Variants in NRG3 observed in about 807,000 individuals in gnomAD.
NRG3 encodes the protein pro-neuregulin-3, membrane-bound isoform.
Under a neutral mutation model 66.9 loss-of-function variants are expected in NRG3, and 31 were observed. The ratio of observed to expected loss-of-function variants is 0.46; its 90% CI spans 0.35 to 0.63. The LOEUF is 0.63. Among genes scored for constraint, NRG3 ranks in the 20% least tolerant of loss-of-function variants. NRG3 has a pLI of 0.00. For synonymous variants in NRG3, 393 were observed against 359.4 expected (o/e 1.09, Z -1.06); for missense variants, 910 against 878.9 (o/e 1.04, Z -0.45).
intron 2 of NRG3, among the ~76,000 whole-genome samples, chr10:82,717,812 C>T (rs1246159140): frequency 6.6e-6 from 1 of 151,848 alleles, no homozygotes; most frequent in Non-Finnish European, 1.5e-5. Context: ...CTCCCAGTGG[C>T]AGAGACCATT....
rs952070479 is a variant in NRG3 at position 82,224,373 on chromosome 10, A to G, written c.824-134366A>G. ...CAGGTACAGCATCTAGAACATAAAA[A>G]GTAAATACATATCATTTTATGAATA... On this transcript the variant is annotated intron_variant, in intron 1 of 8. Coordinates refer to ENST00000372141, the MANE Select transcript of NRG3 (RefSeq NM_001010848.4). The G allele has an allele frequency of 5.3e-5, 8 of 152,214 alleles. No individual in the cohort carries two copies. In the East Asian group the frequency reaches 1.3e-3, roughly 26 times the overall value. 9.4% of individuals were successfully genotyped at this position (152,214 alleles called of 1,614,324 possible). A position where few individuals can be genotyped will look rare whatever the true frequency, so the allele number is the denominator to read the frequency against.
intron 2 of NRG3, among the ~76,000 whole-genome samples, chr10:82,419,645 G>C (rs761035953): frequency 3.3e-5 from 5 of 151,960 alleles, no homozygotes; most frequent in Non-Finnish European, 7.4e-5. Flanking sequence ...AGCCTTTTGT[G>C]GAAATAATGT....
chr10:81,910,586 A>C (rs1246670333), intron 1 of NRG3, among the ~76,000 whole-genome samples: 1 of 152,202 alleles, frequency 6.6e-6, no homozygotes, highest in Non-Finnish European at 1.5e-5. Flanking sequence ...TTGTCAAGGA[A>C]GCCTTCTTCA....
intron 1 of NRG3, among the ~76,000 whole-genome samples, chr10:81,930,703 T>C (rs888759648): frequency 3.9e-5 from 6 of 152,076 alleles, no homozygotes; most frequent in African/African-American, 1.4e-4. Flanking sequence ...GTGGGTTTTA[T>C]GGAGTTGTGG....
chr10:82,255,795 G>A (rs1269406319), intron 1 of NRG3, among the ~76,000 whole-genome samples: 1 of 151,892 alleles, frequency 6.6e-6, no homozygotes, highest in African/African-American at 2.4e-5. Flanking sequence ...GTAGAGATGG[G>A]GTTTTACCAT....
chr10:82,638,947 A>G (rs1332859665), intron 2 of NRG3, among the ~76,000 whole-genome samples: 1 of 152,066 alleles, frequency 6.6e-6, no homozygotes, highest in Non-Finnish European at 1.5e-5. Context: ...GCCCGGCCAC[A>G]TATTTTTTTT....
At chr10:82,670,455 C>G (rs2053179096) in intron 2 of NRG3, among the ~76,000 whole-genome samples, 1 of 152,066 alleles carries the variant, frequency 6.6e-6, no homozygotes, top group Admixed American at 6.6e-5. Flanking sequence ...TTATTCAGTC[C>G]TATATCATTT....
chr10:81,919,294 G>T (rs1434467851), intron 1 of NRG3, among the ~76,000 whole-genome samples: 1 of 152,146 alleles, frequency 6.6e-6, no homozygotes, highest in African/African-American at 2.4e-5. Context: ...GTGTGGCAGC[G>T]CTGAAAATCA....
At chr10:82,166,923 C>G in intron 1 of NRG3, 1 of 490,402 alleles carries the variant, frequency 2.0e-6, no homozygotes, top group East Asian at 3.3e-5. Context: ...TAAAGATGTG[C>G]TTGACTGTCT....
At chr10:82,062,897 T>A (rs2064239117) in intron 1 of NRG3, among the ~76,000 whole-genome samples, 1 of 152,292 alleles carries the variant, frequency 6.6e-6, no homozygotes, top group Middle Eastern at 3.4e-3. Context: ...GAATCTGTGC[T>A]TCTGGAGTGG....
chr10:82,743,085 G>T (rs504975), intron 3 of NRG3, among the ~76,000 whole-genome samples: 117,896 of 151,700 alleles, frequency 0.78, 45,961 homozygotes, highest in Non-Finnish European at 0.79. Flanking sequence ...CACAGCTGGA[G>T]ACAGCCGTTT....
chr10:81,948,515 C>A (rs975459226), intron 1 of NRG3, among the ~76,000 whole-genome samples: 2 of 152,192 alleles, frequency 1.3e-5, no homozygotes, highest in Non-Finnish European at 2.9e-5. Flanking sequence ...CAATGTGGAA[C>A]TCTTGTCTGC....
At chr10:82,788,232 T>C (rs947592631) in intron 3 of NRG3, among the ~76,000 whole-genome samples, 1 of 152,184 alleles carries the variant, frequency 6.6e-6, no homozygotes, top group Non-Finnish European at 1.5e-5. Flanking sequence ...TATTTATGCC[T>C]TATATGGTAT....
chr10:82,183,645 G>C (rs910290299), intron 1 of NRG3, among the ~76,000 whole-genome samples: 13 of 152,126 alleles, frequency 8.5e-5, no homozygotes, highest in Middle Eastern at 3.4e-3. Flanking sequence ...TAATGCAGTG[G>C]TTCTCAACTA....
At chr10:82,445,548 T>C (rs1197683601) in intron 2 of NRG3, among the ~76,000 whole-genome samples, 1 of 152,214 alleles carries the variant, frequency 6.6e-6, no homozygotes, top group Non-Finnish European at 1.5e-5. Flanking sequence ...TTTCTCCCAC[T>C]GTTTCCCTTA....
chr10:81,962,916 G>A (rs1301154666), intron 1 of NRG3, among the ~76,000 whole-genome samples: 1 of 152,106 alleles, frequency 6.6e-6, no homozygotes, highest in East Asian at 1.9e-4. Context: ...GGTAGGTAGT[G>A]GAAGCTGCCA....
At chr10:82,951,596 T>C (rs1849517846) in intron 5 of NRG3, 25 bp downstream of exon 5, 1 of 1,588,368 alleles carries the variant, frequency 6.3e-7, no homozygotes, top group African/African-American at 1.3e-5. Context: ...CTCAAGTGTT[T>C]AAAGGTTACT....
rs558332237 is a variant in NRG3, at chr10:81,980,335, G to A, written c.823+104172G>A. ...AAGTTAGCTAACTTTAGAAACAGTC[G>A]TCTTGTCAGTTAATGAGGGTATTAT... is the stretch of plus-strand genomic sequence containing the variant. On this transcript the variant is annotated intron_variant, in intron 1 of 8. Coordinates refer to ENST00000372141, the MANE Select transcript of NRG3 (RefSeq NM_001010848.4). Among the ~76,000 whole-genome samples the A allele has an allele frequency of 3.3e-5, 5 of 152,094 alleles. No individual in the cohort carries two copies. In the East Asian group the frequency reaches 5.8e-4, roughly 18 times the overall value.
chr10:82,652,956 G>A (rs1406999110), intron 2 of NRG3, among the ~76,000 whole-genome samples: 1 of 152,196 alleles, frequency 6.6e-6, no homozygotes, highest in East Asian at 1.9e-4. Flanking sequence ...TCTAGGGTTG[G>A]AGTAGATATT....
Sources: allele counts gnomAD v4.1 joint callset (sites outside exome capture counted in the v4.1 genomes callset), GRCh38; gene constraint gnomAD v4.1.1; transcripts MANE v1.5; gene names NCBI Gene and HGNC (gene_info 2026-07-23, HGNC 2026-07-21).